The following CFAP221 variants were observed in gnomAD, a reference collection of about 807,000 sequenced individuals.
The protein encoded by CFAP221 is cilia- and flagella-associated protein 221.
CFAP221 carries 97 observed loss-of-function variants against 113.1 expected under a neutral mutation model. The ratio of observed to expected loss-of-function variants is 0.86; its 90% CI spans 0.73 to 1.02. The LOEUF (loss-of-function observed/expected upper bound fraction) is 1.02, where lower values mean the gene tolerates loss of function less well. Ranked by LOEUF, CFAP221 falls within the 50% of genes least tolerant of loss-of-function variation. CFAP221 has a pLI of 0.00. For synonymous variants in CFAP221, 331 were observed against 354.4 expected (o/e 0.93, Z 0.74); for missense variants, 1,025 against 1,013.4 (o/e 1.01, Z -0.16).
At position 119,647,089 on chromosome 2, in the gene CFAP221, T is replaced by C. The variant is rs540234637; in HGVS notation, c.2318+39T>C. The stretch of plus-strand genomic sequence containing the variant: ...TTTTAATCTTTGGCCTCTAATGTGG[T>C]CTGTTTTCCAAAAATATGTGAGGTG... On this transcript the variant is annotated intron_variant, in intron 22 of 23. Coordinates refer to ENST00000413369, the MANE Select transcript of CFAP221 (RefSeq NM_001271049.2). 29 of 1,536,158 alleles carry C rather than the reference T, an allele frequency of 1.9e-5. No individual in the cohort carries two copies. The South Asian group carries it at 3.4e-4, about 18-fold the overall frequency.
Position 119,651,887 on chromosome 2 carries a change from T to G in CFAP221, c.2319-87T>G, listed in dbSNP as rs116539730. The G allele has an allele frequency of 1.4e-3, 1,413 of 1,022,122 alleles. 3 individuals carry two copies. Among genetic ancestry groups the G allele is most frequent in the Non-Finnish European group, 1.9e-3 (1,331 of 709,554 alleles). The allele number at this position is 1,022,122 out of a possible 1,614,324, so 63.3% of individuals were successfully genotyped here. Reference sequence around the variant, plus strand: ...AAAGTTGAATACCACAAGAATTGCATAACTCCTAAATGATCACAATATTTC... The same window carrying G: ...AAAGTTGAATACCACAAGAATTGCAGAACTCCTAAATGATCACAATATTTC... On this transcript the variant is annotated intron_variant, in intron 22 of 23. Transcript: ENST00000413369.
At chr2:119,650,784 G>A (rs1465205522) in intron 22 of CFAP221, among the ~76,000 whole-genome samples, 1 of 152,216 alleles carries the variant, frequency 6.6e-6, no homozygotes, top group Admixed American at 6.5e-5. Context: ...CAGCTACTCA[G>A]TAAATATTAG....
intron 6 of CFAP221, among the ~76,000 whole-genome samples, chr2:119,574,936 A>G (rs182489075): frequency 6.6e-6 from 1 of 152,238 alleles, no homozygotes; most frequent in African/African-American, 2.4e-5. Flanking sequence ...TTTGTTTTTT[A>G]AAAATGGATT....
Position 119,629,897 on chromosome 2 carries a change from T to C in CFAP221, c.1673T>C (p.Val558Ala). The C allele has an allele frequency of 6.2e-7, 1 of 1,613,716 alleles. No homozygotes were observed. The highest frequency in any genetic ancestry group is 1.3e-5 in the African/African-American group (1 of 75,058). Residue 558 changes from valine (V) to alanine (A), a missense_variant, in exon 17 of 24, where the codon GTC becomes GCC. Val to Ala is a moderately conservative substitution (Grantham distance 64). Transcript: ENST00000413369. ...NELAPDGLGL[V>A]PIKSSEVQIK... The stretch of plus-strand genomic sequence containing the variant: ...TAGGCTCCTGATGGCCTTGGACTGG[T>C]CCCAATTAAGTCTTCAGAAGTTCAA...
chr2:119,569,262 G>A (rs1371207749), intron 6 of CFAP221, among the ~76,000 whole-genome samples: 1 of 151,940 alleles, frequency 6.6e-6, no homozygotes, highest in Non-Finnish European at 1.5e-5. Flanking sequence ...GGGACTACAG[G>A]CACCCACCAC....
intron 7 of CFAP221, among the ~76,000 whole-genome samples, chr2:119,589,375 G>A (rs950861944): frequency 1.3e-4 from 20 of 152,244 alleles, no homozygotes; most frequent in African/African-American, 4.6e-4. Flanking sequence ...CAGGCATCTG[G>A]CTTGACTTGG....
chr2:119,583,469 G>A (rs1210987292), intron 6 of CFAP221, among the ~76,000 whole-genome samples: 1 of 144,256 alleles, frequency 6.9e-6, no homozygotes, highest in Non-Finnish European at 1.5e-5. Context: ...GCCTGGCCTA[G>A]ACTGTACAAT....
At chr2:119,623,405 T>C (rs2104739772) in intron 14 of CFAP221, among the ~76,000 whole-genome samples, 1 of 152,282 alleles carries the variant, frequency 6.6e-6, no homozygotes. Context: ...TGCTCATGGA[T>C]AGGAAGAATC....
chr2:119,566,356 G>C (rs1180658355), intron 6 of CFAP221, among the ~76,000 whole-genome samples: 1 of 152,128 alleles, frequency 6.6e-6, no homozygotes, highest in Non-Finnish European at 1.5e-5. Context: ...CCTCCTGCAA[G>C]GGTGGACTTG....
At chr2:119,619,448 G>A (rs1401200213) in intron 14 of CFAP221, among the ~76,000 whole-genome samples, 2 of 152,192 alleles carry the variant, frequency 1.3e-5, no homozygotes, top group South Asian at 4.1e-4. Context: ...GGCAAATAGG[G>A]TCTGGAGTAG....
At chr2:119,615,828 C>T in intron 14 of CFAP221, 119 bp downstream of exon 14, 1 of 713,806 alleles carries the variant, frequency 1.4e-6, no homozygotes. Context: ...TAAAATTCAC[C>T]CTTGTAAAAT....
rs1251832477 is a variant in CFAP221 at position 119,604,682 on chromosome 2, T to C, written c.802T>C (p.Phe268Leu). 4 of 1,558,018 alleles carry C rather than the reference T, an allele frequency of 2.6e-6. No homozygotes were observed. Among genetic ancestry groups the C allele is most frequent in the Non-Finnish European group, 3.4e-6 (4 of 1,159,456 alleles). ...TGTTTTAACCTATAGATTAGAAGAG[T>C]TTGAAAGGTTGAATACCCTTTCTAA... ...YPNMALPLEE[F>L]ERLNTLSKKV... The change falls in exon 9 of 24, where the codon TTT becomes CTT. Residue 268 changes from phenylalanine to leucine, a missense_variant. Phe to Leu is a conservative substitution (Grantham distance 22). Transcript: ENST00000413369.
In CFAP221 at chr2:119,630,786, C is replaced by A. The variant is rs1398779910; in HGVS notation, c.1859C>A (p.Thr620Lys). Residue 620 changes from threonine to lysine, a missense_variant, in exon 19 of 24, where the codon ACA (threonine) becomes AAA (lysine). By Grantham distance (78) the Thr-to-Lys change is moderately conservative. Transcript: ENST00000413369. Reference protein sequence around the residue: ...QGAEDEVTTITALPKQDSTTQ... With the variant: ...QGAEDEVTTIKALPKQDSTTQ... ...TGTTAGGATGAAGTCACCACCATCA[C>A]AGCCCTTCCGAAACAGGACTCCACA... The A allele has an allele frequency of 6.2e-7, 1 of 1,612,140 alleles. No individual in the cohort carries two copies. The highest frequency in any genetic ancestry group is 1.7e-4 in the Middle Eastern group (1 of 6,054).
intron 6 of CFAP221, among the ~76,000 whole-genome samples, chr2:119,562,826 C>G (rs1681353827): frequency 6.6e-6 from 1 of 152,162 alleles, no homozygotes; most frequent in Non-Finnish European, 1.5e-5. Context: ...CAGGACCCCC[C>G]ACAGGGTCCA....
At chr2:119,561,974 C>A in intron 5 of CFAP221, 40 bp from the exon 6 acceptor site, 1 of 1,336,410 alleles carries the variant, frequency 7.5e-7, no homozygotes, top group Non-Finnish European at 1.0e-6. Flanking sequence ...AAGTTGTAGT[C>A]TTCAGAATGT....
chr2:119,608,217 G>A (rs1403944943), intron 11 of CFAP221, among the ~76,000 whole-genome samples: 3 of 152,150 alleles, frequency 2.0e-5, no homozygotes, highest in Non-Finnish European at 2.9e-5. Flanking sequence ...GGGTGTAAAG[G>A]GGTATATTTT....
At chr2:119,559,092 C>T (rs946533860) in intron 3 of CFAP221, among the ~76,000 whole-genome samples, 1 of 152,206 alleles carries the variant, frequency 6.6e-6, no homozygotes, top group African/African-American at 2.4e-5. Context: ...GAAGGAAAAA[C>T]ACCTTTCCTC....
rs764445979 is a variant in CFAP221, at chr2:119,571,969, GGGGCTGCC to G, written c.527+9856_527+9863del. Among the ~76,000 whole-genome samples the G allele has an allele frequency of 2.2e-3, 217 of 100,600 alleles. 1 individual carries two copies. The highest frequency in any genetic ancestry group is 3.5e-3 in the Non-Finnish European group (164 of 46,764). The allele number at this position is 100,600 out of a possible 152,430, so 66.0% of individuals were successfully genotyped here. On this transcript the variant is annotated intron_variant, in intron 6 of 23. Transcript: ENST00000413369. The stretch of plus-strand genomic sequence containing the variant: ...TTACTTTGGGGTTGCCCCTTACTTT[GGGGCTGCC>G]CCTTACTTTGGGGCTGCTTTTGCAG...
chr2:119,613,191 C>T (rs924251329), intron 13 of CFAP221, among the ~76,000 whole-genome samples: 5 of 152,240 alleles, frequency 3.3e-5, no homozygotes, highest in Admixed American at 1.3e-4. Flanking sequence ...AGGGTACAGC[C>T]TCCCTCCCAG....
Sources: allele counts gnomAD v4.1 joint callset (sites outside exome capture counted in the v4.1 genomes callset), GRCh38; gene constraint gnomAD v4.1.1; transcripts MANE v1.5; gene names NCBI Gene and HGNC (gene_info 2026-07-23, HGNC 2026-07-21).